The following CASZ1 variants were observed in gnomAD, a reference collection of about 807,000 sequenced individuals.
The protein encoded by CASZ1 is zinc finger protein castor homolog 1.
In CASZ1, 28 loss-of-function variants were observed where a neutral mutation model predicts 135.2. The observed-to-expected ratio is 0.21, with a 90% confidence interval of 0.15 to 0.28. The LOEUF is 0.28. Ranked by LOEUF, CASZ1 falls within the 10% of genes least tolerant of loss-of-function variation. CASZ1 has a pLI of 1.00. For missense variants in CASZ1, 2,161 were observed against 2,453.3 expected, an observed-to-expected ratio of 0.88 and a Z score of 2.52; for synonymous variants, 1,068 against 1,073.4, an observed-to-expected ratio of 0.99 and a Z score of 0.10.
At chr1:10,650,344 C>T (rs1642521924) in intron 13 of CASZ1, 1 of 154,016 alleles carries the variant, frequency 6.5e-6, no homozygotes, top group African/African-American at 2.4e-5. Context: ...CCCCCCTCCC[C>T]CATCCCCTTT....
intron 4 of CASZ1, among the ~76,000 whole-genome samples, chr1:10,673,178 T>C (rs1240515573): frequency 6.6e-6 from 1 of 152,144 alleles, no homozygotes; most frequent in Admixed American, 6.5e-5. Context: ...GCTTACTTTG[T>C]TGGTTTTTTT....
At position 10,645,076 on chromosome 1, in the gene CASZ1, G is replaced by T; in HGVS notation, c.3709C>A (p.Arg1237=). Residue 1237 remains arginine (R), a synonymous_variant, in exon 18 of 21, where the codon CGA becomes AGA. Transcript: ENST00000377022. ...CLCPNQHCEF[R]MRGHYHCLRT... is the part of the protein sequence containing the mutation. ...AGGCAGTGGTAGTGCCCACGCATTC[G>T]GAACTCGCAGTGCTGCAGGGAGACA... 6.2e-7 allele frequency: 1 copy of T among 1,613,748 alleles called. No homozygotes were observed. Among genetic ancestry groups the T allele is most frequent in the Non-Finnish European group, 8.5e-7 (1 of 1,179,920 alleles).
Position 10,788,024 on chromosome 1 carries a change from T to C in CASZ1, c.-234+8540A>G, listed in dbSNP as rs938502309. Among the ~76,000 whole-genome samples the C allele has an allele frequency of 1.3e-5, 2 of 152,204 alleles. No individual in the cohort carries two copies. Among genetic ancestry groups the C allele is most frequent in the African/African-American group, 2.4e-5 (1 of 41,432 alleles). ...TGACATCTCTCCACAGAGCAAACTA[T>C]CCAAGGTTCAAACATGACCTTGCCT... is the stretch of plus-strand genomic sequence containing the variant. On this transcript the variant is annotated intron_variant, in intron 1 of 20. Transcript: ENST00000377022. This position sits in a 1 kb window ranked among gnomAD's most constrained non-coding sequence, Gnocchi z 4.1.
At chr1:10,683,067 G>A (rs1638478434) in intron 4 of CASZ1, among the ~76,000 whole-genome samples, 1 of 152,240 alleles carries the variant, frequency 6.6e-6, no homozygotes, top group Admixed American at 6.5e-5. Context: ...TGCTTAAACA[G>A]CAACGGTCAC....
Position 10,700,501 on chromosome 1 carries a change from G to A in CASZ1, c.-24+4991C>T, listed in dbSNP as rs1301045621. ...CTGCCTGAGTCTAGGTGTTTGGATG[G>A]TGTATGTACACGCCTGAGCCTGAAC... On this transcript the variant is annotated intron_variant, in intron 3 of 20. Transcript: ENST00000377022. This position sits in a 1 kb window ranked among gnomAD's most constrained non-coding sequence, Gnocchi z 4.2. Among the ~76,000 whole-genome samples, 2 of 152,160 alleles carry A rather than the reference G, an allele frequency of 1.3e-5. No individual in the cohort carries two copies. The highest frequency in any genetic ancestry group is 2.4e-5 in the African/African-American group (1 of 41,424).
At chr1:10,655,834 G>C in intron 8 of CASZ1, 21 bp from the exon 9 acceptor site, 1 of 1,609,496 alleles carries the variant, frequency 6.2e-7, no homozygotes, top group Non-Finnish European at 8.5e-7. Context: ...ACAGCGCCAC[G>C]TGGGCAGGAG....
In CASZ1 at chr1:10,735,630, C is replaced by T. The variant is rs1639783200; in HGVS notation, c.-77+25071G>A. ...TTGCCTTTACCCATCCCAAATGACT[C>T]TCCCGGTTTCTGTGCCCTGAGCTCT... On this transcript the variant is annotated intron_variant, in intron 2 of 20. Transcript: ENST00000377022. This position sits in a 1 kb window ranked among gnomAD's most constrained non-coding sequence, Gnocchi z 5.1. Among the ~76,000 whole-genome samples the T allele has an allele frequency of 6.6e-6, 1 of 152,234 alleles. No individual in the cohort carries two copies. The highest frequency in any genetic ancestry group is 1.5e-5 in the Non-Finnish European group (1 of 68,034).
intron 2 of CASZ1, among the ~76,000 whole-genome samples, chr1:10,744,421 CCACG>C (rs1640001122): frequency 1.4e-5 from 1 of 71,906 alleles, no homozygotes; most frequent in Non-Finnish European, 2.7e-5. Context: ...GTCCTGGGCA[CCACG>C]AGCAGGCATG....
In CASZ1 at chr1:10,646,351, G is replaced by T. The variant is rs1479542413; in HGVS notation, c.3498-25C>A. ...GCTGGAAGGAAACCACAGCCCAGAA[G>T]GTCATTGCCATTCTCAAGCCCTCCC... On this transcript the variant is annotated intron_variant, in intron 16 of 20. Transcript: ENST00000377022. This position sits in a 1 kb window ranked among gnomAD's most constrained non-coding sequence, Gnocchi z 6.4. The T allele has an allele frequency of 1.2e-6, 2 of 1,611,244 alleles. No individual in the cohort carries two copies. Among genetic ancestry groups the T allele is most frequent in the Non-Finnish European group, 1.7e-6 (2 of 1,178,088 alleles).
In CASZ1 at chr1:10,664,808, A is replaced by ATCCC. The variant is rs946999765; in HGVS notation, c.505+271_505+274dup. Among the ~76,000 whole-genome samples, 132 of 150,140 alleles carry ATCCC rather than the reference A, an allele frequency of 8.8e-4. 1 individual carries two copies. Among genetic ancestry groups the ATCCC allele is most frequent in the Non-Finnish European group, 1.2e-3 (81 of 67,458 alleles). On this transcript the variant is annotated intron_variant, in intron 5 of 20. Coordinates refer to ENST00000377022, the MANE Select transcript of CASZ1 (RefSeq NM_001079843.3). ...CGTCTGTCTATCCACCCACCCGTCT[A>ATCCC]TCCCTCCCTCCCTCCCTCCCCACCT...
chr1:10,740,012 C>T (rs1327118382), intron 2 of CASZ1, among the ~76,000 whole-genome samples: 1 of 152,176 alleles, frequency 6.6e-6, no homozygotes, highest in African/African-American at 2.4e-5. Context: ...AGCGTGTCCT[C>T]ATTTGCAGCT....
In CASZ1 at chr1:10,657,696, G is replaced by A. The variant is rs897000448; in HGVS notation, c.1409+812C>T. 3.3e-5 allele frequency among the ~76,000 whole-genome samples: 5 copies of A among 151,702 alleles called. No homozygotes were observed. Among genetic ancestry groups the A allele is most frequent in the Non-Finnish European group, 7.4e-5 (5 of 67,944 alleles). ...CAGGGGATCGGAGACAGAGTGGGACGTGGAGGCGGAGAGACAGAGCGGGCG... is the reference window on the plus strand; with the variant it reads ...CAGGGGATCGGAGACAGAGTGGGACATGGAGGCGGAGAGACAGAGCGGGCG... On this transcript the variant is annotated intron_variant, in intron 7 of 20. Transcript: ENST00000377022. This position sits in a 1 kb window ranked among gnomAD's most constrained non-coding sequence, Gnocchi z 5.7.
At chr1:10,730,708 G>C (rs1337533765) in intron 2 of CASZ1, among the ~76,000 whole-genome samples, 1 of 152,194 alleles carries the variant, frequency 6.6e-6, no homozygotes, top group Non-Finnish European at 1.5e-5. Context: ...GTGAAAATCA[G>C]ACTTTTGGAA....
chr1:10,685,601 C>T (rs919865457), intron 4 of CASZ1, among the ~76,000 whole-genome samples: 1 of 152,236 alleles, frequency 6.6e-6, no homozygotes, highest in Admixed American at 6.5e-5. Context: ...AAGGGAGGCT[C>T]CTCCCCAACC....
At chr1:10,689,611 G>A (rs1244931271) in intron 4 of CASZ1, among the ~76,000 whole-genome samples, 7 of 152,216 alleles carry the variant, frequency 4.6e-5, no homozygotes, top group Admixed American at 1.3e-4. Context: ...GGGAGGAAAG[G>A]CTATGCTAGG....
At chr1:10,660,618 T>C (rs745580737) in intron 5 of CASZ1, 82 bp from the exon 6 acceptor site, 83 of 1,155,122 alleles carry the variant, frequency 7.2e-5, no homozygotes, top group Non-Finnish European at 9.9e-5. Flanking sequence ...CCCCCACCCA[T>C]AGAGGGAGGG....
chr1:10,646,040 G>T lies in CASZ1; in HGVS notation c.3696+88C>A. ...GCAAGGTGTGAGAAATGGAGCCTCT[G>T]CCAGGAGGTGACTGTCCTGTGCCCT... On this transcript the variant is annotated intron_variant, in intron 17 of 20. Transcript: ENST00000377022. This position sits in a 1 kb window ranked among gnomAD's most constrained non-coding sequence, Gnocchi z 6.4. The T allele has an allele frequency of 7.8e-7, 1 of 1,280,930 alleles. No individual in the cohort carries two copies. Among genetic ancestry groups the T allele is most frequent in the Non-Finnish European group, 1.1e-6 (1 of 890,528 alleles). The allele number at this position is 1,280,930 out of a possible 1,614,324, so 79.3% of individuals were successfully genotyped here.
chr1:10,658,244 G>A, intron 7 of CASZ1: 1 of 477,972 alleles, frequency 2.1e-6, no homozygotes, highest in South Asian at 2.5e-5. Flanking sequence ...CCTGTGGCCA[G>A]GCCCTGCGTC....
intron 1 of CASZ1, among the ~76,000 whole-genome samples, chr1:10,765,277 A>C (rs10864469): frequency 0.62 from 93,797 of 151,646 alleles, 30,940 homozygotes; most frequent in Non-Finnish European, 0.74. Context: ...GGTGGAAGAT[A>C]AGCCCGGGGT....
Sources: allele counts gnomAD v4.1 joint callset (sites outside exome capture counted in the v4.1 genomes callset), GRCh38; gene constraint gnomAD v4.1.1; non-coding constraint Gnocchi (gnomAD v3.1); transcripts MANE v1.5; gene names NCBI Gene and HGNC (gene_info 2026-07-23, HGNC 2026-07-21).